ELMO1: variants seen among roughly 807,000 people sequenced by gnomAD.
ELMO1 encodes the protein engulfment and cell motility 1.
In ELMO1, 26 loss-of-function variants were observed where a neutral mutation model predicts 98.9. That is an observed-to-expected ratio of 0.26 (90% confidence interval 0.19 to 0.36). The LOEUF (loss-of-function observed/expected upper bound fraction) is 0.36, where lower values mean the gene tolerates loss of function less well. Among genes scored for constraint, ELMO1 ranks in the 10% least tolerant of loss-of-function variants. The probability of loss-of-function intolerance (pLI) is 1.00; values close to 1 mark genes in which losing one functional copy is unlikely to be tolerated. For missense variants in ELMO1, 627 were observed against 935.2 expected (o/e 0.67, Z 4.30); for synonymous variants, 346 against 346.0 (o/e 1.00, Z 0.00).
chr7:37,282,833 C>A (rs916919251), intron 4 of ELMO1, among the ~76,000 whole-genome samples: 1 of 152,178 alleles, frequency 6.6e-6, no homozygotes, highest in African/African-American at 2.4e-5. Context: ...GGTTTGACTT[C>A]TTTTCTACTT....
chr7:37,273,369 T>A (rs984968405), intron 4 of ELMO1, among the ~76,000 whole-genome samples: 2 of 152,056 alleles, frequency 1.3e-5, no homozygotes, highest in African/African-American at 4.8e-5. Context: ...GATCTGATGG[T>A]TTTATAAGGG....
At chr7:37,296,658 C>T (rs967436791) in intron 4 of ELMO1, among the ~76,000 whole-genome samples, 3 of 588 alleles carry the variant, frequency 5.1e-3, no homozygotes, top group Non-Finnish European at 0.019. Flanking sequence ...CAGAATTCCA[C>T]TTACCATATC....
chr7:37,447,714 C>CCACACACACACACACA lies in ELMO1; in HGVS notation c.-74+945_-74+960dup, dbSNP rs3054415. Among the ~76,000 whole-genome samples the CCACACACACACACACA allele has an allele frequency of 1.3e-3, 173 of 132,212 alleles. 1 individual carries two copies. The highest frequency in any genetic ancestry group is 2.9e-3 in the African/African-American group (95 of 32,534). 86.7% of individuals were successfully genotyped at this position (132,212 alleles called of 152,430 possible). A position where few individuals can be genotyped will look rare whatever the true frequency, so the allele number is the denominator to read the frequency against. ...ACATACATACGCGCGCGCGCACACA[C>CCACACACACACACACA]CACACACACACACACACACACACAC... On this transcript the variant is annotated intron_variant, in intron 1 of 21. Coordinates refer to ENST00000310758, the MANE Select transcript of ELMO1 (RefSeq NM_014800.11).
chr7:37,164,188 T>C (rs1480089980), intron 13 of ELMO1, among the ~76,000 whole-genome samples: 1 of 152,222 alleles, frequency 6.6e-6, no homozygotes, highest in Non-Finnish European at 1.5e-5. Context: ...TGGGGTTGTT[T>C]GTTATTTCTT....
At chr7:36,986,019 T>G in intron 16 of ELMO1, 1 of 1,002,400 alleles carries the variant, frequency 1.0e-6, no homozygotes, top group Non-Finnish European at 1.2e-6. Flanking sequence ...AAGAACAATG[T>G]GCTGGAATAC....
chr7:36,886,161 G>T (rs1424444372), intron 18 of ELMO1, among the ~76,000 whole-genome samples: 1 of 152,212 alleles, frequency 6.6e-6, no homozygotes, highest in African/African-American at 2.4e-5. Flanking sequence ...GAATGGGAGG[G>T]AGGAGTTCCC....
intron 13 of ELMO1, among the ~76,000 whole-genome samples, chr7:37,134,439 A>G (rs1230068815): frequency 2.6e-5 from 4 of 151,878 alleles, no homozygotes; most frequent in Non-Finnish European, 4.4e-5. Context: ...CGCGCCTGTA[A>G]TCCCAGCTAC....
intron 18 of ELMO1, among the ~76,000 whole-genome samples, chr7:36,883,670 A>T (rs1804674443): frequency 6.6e-6 from 1 of 152,118 alleles, no homozygotes. Flanking sequence ...CCATGATTGG[A>T]TCATGATTGG....
At chr7:37,013,182 G>T in intron 16 of ELMO1, 117 bp downstream of exon 16, 2 of 1,294,348 alleles carry the variant, frequency 1.5e-6, no homozygotes, top group Non-Finnish European at 2.1e-6. Context: ...AACTATCATT[G>T]CAATCTTCCT....
At chr7:37,058,431 T>C (rs1381325786) in intron 15 of ELMO1, among the ~76,000 whole-genome samples, 2 of 152,134 alleles carry the variant, frequency 1.3e-5, no homozygotes, top group South Asian at 2.1e-4. Flanking sequence ...CTCTCTCTCT[T>C]GCTCTCTTCA....
At chr7:37,238,191 G>T (rs1161583862) in intron 7 of ELMO1, among the ~76,000 whole-genome samples, 1 of 152,102 alleles carries the variant, frequency 6.6e-6, no homozygotes, top group East Asian at 1.9e-4. Context: ...ACATGAAATG[G>T]TCTATCCCTC....
intron 1 of ELMO1, among the ~76,000 whole-genome samples, chr7:37,410,198 T>A (rs184546718): frequency 6.6e-6 from 1 of 152,218 alleles, no homozygotes; most frequent in Non-Finnish European, 1.5e-5. Context: ...GTAATTGACA[T>A]GAAAAAAAAT....
chr7:37,039,633 G>A, intron 15 of ELMO1, among the ~76,000 whole-genome samples: 1 of 152,210 alleles, frequency 6.6e-6, no homozygotes, highest in South Asian at 2.1e-4. Context: ...AGCAGAAGCT[G>A]TTTCAGTCTG....
In ELMO1 at chr7:37,241,171, C is replaced by T. The variant is rs1465184820; in HGVS notation, c.449+3185G>A. On this transcript the variant is annotated intron_variant, in intron 7 of 21. Transcript: ENST00000310758. ...TATAATAATTTTAAATGTGCATACA[C>T]ATTTAAAATTTTTAGGTGCATACAC... Among the ~76,000 whole-genome samples, 31 of 151,816 alleles carry T rather than the reference C, an allele frequency of 2.0e-4. 2 individuals are homozygous for T. Among genetic ancestry groups the T allele is most frequent in the Admixed American group, 2.0e-3 (31 of 15,228 alleles).
intron 13 of ELMO1, among the ~76,000 whole-genome samples, chr7:37,210,013 A>G (rs1420304264): frequency 1.3e-5 from 2 of 152,256 alleles, no homozygotes; most frequent in Non-Finnish European, 2.9e-5. Flanking sequence ...CTAACACTAT[A>G]AAAACAATAA....
chr7:37,079,187 T>C (rs1420723141), intron 15 of ELMO1, among the ~76,000 whole-genome samples: 1 of 152,202 alleles, frequency 6.6e-6, no homozygotes, highest in African/African-American at 2.4e-5. Flanking sequence ...ATAAACATGC[T>C]GTTATTTCTC....
chr7:37,169,495 GA>G (rs1055920801), intron 13 of ELMO1, among the ~76,000 whole-genome samples: 159 of 152,190 alleles, frequency 1.0e-3, no homozygotes, highest in African/African-American at 3.7e-3. Context: ...TCCTCCCTGG[GA>G]AAAAATTTTT....
intron 15 of ELMO1, among the ~76,000 whole-genome samples, chr7:37,059,319 T>G (rs914979127): frequency 6.6e-6 from 1 of 152,186 alleles, no homozygotes; most frequent in Admixed American, 6.5e-5. Flanking sequence ...TAAAATTATT[T>G]CAAGGCAGGA....
chr7:36,942,820 C>T (rs1001233720), intron 16 of ELMO1, among the ~76,000 whole-genome samples: 1 of 152,144 alleles, frequency 6.6e-6, no homozygotes, highest in African/African-American at 2.4e-5. Flanking sequence ...ATGAACACTT[C>T]CCAAGAAAAT....
Sources: gnomAD v4.1 joint callset for allele counts (sites outside exome capture counted in the v4.1 genomes callset) on GRCh38, gnomAD v4.1.1 for gene constraint, MANE v1.5 for transcripts, NCBI Gene and HGNC (gene_info 2026-07-23, HGNC 2026-07-21) for gene names.